The following CHCT1 variants were observed in gnomAD, a reference collection of about 807,000 sequenced individuals.
CHCT1 encodes the protein CHD1 helical C-terminal domain containing 1, also known as CHD1 helical C-terminal domain containing protein 1.
the CHCT1 span, chr17:60,429,587 C>T: frequency 1.2e-6 from 2 of 1,601,158 alleles, no homozygotes; most frequent in East Asian, 4.5e-5. Flanking sequence ...GGGGTGATGC[C>T]TGGACCCAGG....
At chr17:60,422,656 G>A in the CHCT1 span, 1 of 1,542,024 alleles carries the variant, frequency 6.5e-7, no homozygotes, top group Non-Finnish European at 8.8e-7. Flanking sequence ...GAAGTGGGGT[G>A]TGAGGGAGGG....
the CHCT1 span, chr17:60,426,158 C>A: frequency 3.9e-6 from 6 of 1,551,358 alleles, no homozygotes; most frequent in Non-Finnish European, 5.2e-6. Context: ...GTTGCCTCCT[C>A]AGTGTAAAGA....
the CHCT1 span, chr17:60,422,494 G>A: frequency 3.9e-6 from 6 of 1,535,662 alleles, no homozygotes; most frequent in Non-Finnish European, 4.4e-6. Context: ...GAGCCAAACC[G>A]CCCACTCCCT....
chr17:60,422,135 A>T, the CHCT1 span: 1 of 306,426 alleles, frequency 3.3e-6, no homozygotes, highest in Non-Finnish European at 5.7e-6. Flanking sequence ...TCTGTCCCAA[A>T]TCAGAAAAGA....
chr17:60,426,613 G>C, the CHCT1 span: 4 of 1,462,452 alleles, frequency 2.7e-6, no homozygotes, highest in Non-Finnish European at 3.7e-6. Flanking sequence ...CCCCAAAGGG[G>C]CATGTGGCCC....
At chr17:60,426,159 A>C in the CHCT1 span, 1 of 1,551,366 alleles carries the variant, frequency 6.4e-7, no homozygotes, top group Non-Finnish European at 8.7e-7. Context: ...TTGCCTCCTC[A>C]GTGTAAAGAA....
the CHCT1 span, chr17:60,421,850 G>A: frequency 1.0e-6 from 1 of 985,282 alleles, no homozygotes; most frequent in Non-Finnish European, 1.2e-6. Context: ...TGGTGGCTGC[G>A]CACACGAGGC....
the CHCT1 span, chr17:60,421,521 G>A: frequency 1.1e-5 from 11 of 985,384 alleles, no homozygotes; most frequent in South Asian, 4.7e-5. Flanking sequence ...GGGCCCAGAG[G>A]ACACGAAGGA....
At chr17:60,431,257 T>C in the CHCT1 span, 197,115 of 1,600,594 alleles carry the variant, frequency 0.12, 28,186 homozygotes, top group African/African-American at 0.75. Flanking sequence ...CTCCAGAGAC[T>C]GAACCGTAAG....
the CHCT1 span, chr17:60,426,865 G>T: frequency 6.4e-7 from 1 of 1,552,416 alleles, no homozygotes; most frequent in Non-Finnish European, 8.7e-7. Flanking sequence ...GTTGGTTGAT[G>T]TGTCCTTAGA....
the CHCT1 span, among the ~76,000 whole-genome samples, chr17:60,430,122 CTTT>C: frequency 0.01 from 656 of 64,320 alleles, 55 homozygotes; most frequent in African/African-American, 0.021. Flanking sequence ...ACGCACCTGG[CTTT>C]TTTTTTTTTT....
chr17:60,421,517 A>G, the CHCT1 span: 3 of 985,374 alleles, frequency 3.0e-6, no homozygotes, highest in Non-Finnish European at 3.6e-6. Context: ...GCCCGGGCCC[A>G]GAGGACACGA....
chr17:60,430,061 A>G, the CHCT1 span, among the ~76,000 whole-genome samples: 5 of 148,734 alleles, frequency 3.4e-5, no homozygotes, highest in East Asian at 2.0e-4. Context: ...CTGAGCTCAC[A>G]CAATCCAGCC....
chr17:60,428,635 C>A, the CHCT1 span, among the ~76,000 whole-genome samples: 1 of 151,588 alleles, frequency 6.6e-6, no homozygotes, highest in Non-Finnish European at 1.5e-5. Context: ...TACAGGCATG[C>A]ACCACCATGC....
the CHCT1 span, chr17:60,421,518 G>C: frequency 1.0e-6 from 1 of 985,500 alleles, no homozygotes; most frequent in South Asian, 4.7e-5. Flanking sequence ...CCCGGGCCCA[G>C]AGGACACGAA....
At chr17:60,428,141 C>T in the CHCT1 span, among the ~76,000 whole-genome samples, 1 of 152,120 alleles carries the variant, frequency 6.6e-6, no homozygotes, top group African/African-American at 2.4e-5. Flanking sequence ...CTTTATATTC[C>T]TTCAAGTAAT....
the CHCT1 span, among the ~76,000 whole-genome samples, chr17:60,427,145 G>A: frequency 6.6e-6 from 1 of 152,346 alleles, no homozygotes; most frequent in South Asian, 2.1e-4. Context: ...AGTAGCAGCA[G>A]AGGCACTCCT....
chr17:60,422,264 G>A, the CHCT1 span: 1 of 387,638 alleles, frequency 2.6e-6, no homozygotes, highest in South Asian at 2.3e-5. Context: ...GTCAGGATCA[G>A]CATCTGACAG....
At chr17:60,422,637 A>G in the CHCT1 span, 46 of 1,547,602 alleles carry the variant, frequency 3.0e-5, 1 homozygote, top group Admixed American at 9.1e-4. Context: ...ACAAGCCACT[A>G]GAGCAGGTGA....
Sources: allele counts gnomAD v4.1 joint callset (sites outside exome capture counted in the v4.1 genomes callset), GRCh38; gene constraint gnomAD v4.1.1; transcripts MANE v1.5; gene names NCBI Gene and HGNC (gene_info 2026-07-23, HGNC 2026-07-21).